ADAMTS6: variants seen among roughly 807,000 people sequenced by gnomAD.
The protein encoded by ADAMTS6 is A disintegrin and metalloproteinase with thrombospondin motifs 6.
ADAMTS6 carries 23 observed loss-of-function variants against 144.3 expected under a neutral mutation model. That is an observed-to-expected ratio of 0.16 (90% CI 0.11 to 0.23). ADAMTS6 has a LOEUF of 0.23. Among genes scored for constraint, ADAMTS6 ranks in the 10% least tolerant of loss-of-function variants. The pLI, the probability that ADAMTS6 is intolerant of heterozygous loss-of-function variation, is 1.00. For synonymous variants in ADAMTS6, 444 were observed against 457.5 expected (o/e 0.97, Z 0.38); for missense variants, 999 against 1,379.6 (o/e 0.72, Z 4.37).
chr5:65,242,107 C>T lies in ADAMTS6; in HGVS notation c.1930G>A (p.Gly644Arg). The T allele has an allele frequency of 6.3e-7, 1 of 1,578,032 alleles. No individual in the cohort carries two copies. Residue 644 changes from glycine (G) to arginine (R), a missense_variant, in exon 15 of 25, where the codon GGA (glycine) becomes AGA (arginine). Physicochemically the swap from Gly to Arg is moderately radical, Grantham distance 125. Transcript: ENST00000381055. ...GCTCTGTCAGGTTATACATTACCTC[C>T]AGTATAGGGTTTCCAGTTATAATAC... The part of the protein sequence containing the change: ...GKYYNWKPYT[G>R]GGVKPCALNC...
At chr5:65,480,146 T>C (rs1276503505) in intron 1 of ADAMTS6, among the ~76,000 whole-genome samples, 1 of 152,028 alleles carries the variant, frequency 6.6e-6, no homozygotes, top group African/African-American at 2.4e-5. Flanking sequence ...ATCTAAACAT[T>C]TCAGTCTAAT....
chr5:65,153,136 G>T (rs1260034391), intron 24 of ADAMTS6, among the ~76,000 whole-genome samples: 2 of 152,134 alleles, frequency 1.3e-5, no homozygotes, highest in Non-Finnish European at 2.9e-5. Flanking sequence ...ACATGGAAAA[G>T]TTCCCAGTTC....
In ADAMTS6 at chr5:65,227,087, T is replaced by G. The variant is rs116259479; in HGVS notation, c.1934-868A>C. On this transcript the variant is annotated intron_variant, in intron 15 of 24. Transcript: ENST00000381055. ...ACTTGGCTTTAGCATGGATATAAAT[T>G]TTTATGAGATTAGCAAATCAAAACT... 8.6e-3 allele frequency among the ~76,000 whole-genome samples: 1,303 copies of G among 152,288 alleles called. 17 individuals carry two copies. The highest frequency in any genetic ancestry group is 0.03 in the African/African-American group (1,232 of 41,554).
At chr5:65,410,488 A>G (rs1240101008) in intron 7 of ADAMTS6, among the ~76,000 whole-genome samples, 1 of 152,162 alleles carries the variant, frequency 6.6e-6, no homozygotes, top group African/African-American at 2.4e-5. Context: ...TCAAAATAAT[A>G]TATGCATTAC....
chr5:65,340,295 A>T (rs978006178), intron 7 of ADAMTS6, among the ~76,000 whole-genome samples: 5 of 152,038 alleles, frequency 3.3e-5, no homozygotes, highest in African/African-American at 1.2e-4. Context: ...TCAGAAATTT[A>T]AAAAAATATA....
At chr5:65,314,163 A>G (rs1416118306) in intron 9 of ADAMTS6, among the ~76,000 whole-genome samples, 1 of 152,160 alleles carries the variant, frequency 6.6e-6, no homozygotes, top group African/African-American at 2.4e-5. Context: ...ATGTGTGCAG[A>G]GTGATGAAAA....
rs764089071 is a variant in ADAMTS6 at position 65,473,708 on chromosome 5, C to T, written c.-35G>A. 6.6e-7 allele frequency: 1 copy of T among 1,515,102 alleles called. No individual in the cohort carries two copies. The highest frequency in any genetic ancestry group is 9.2e-7 in the Non-Finnish European group (1 of 1,090,036). The allele number at this position is 1,515,102 out of a possible 1,614,324, so 93.9% of individuals were successfully genotyped here. ...AACTGGATGATTTTTTTGAGGGCTACCTATGTGCTAAAGAGTCAATACCAT... is the reference window on the plus strand; with the variant it reads ...AACTGGATGATTTTTTTGAGGGCTATCTATGTGCTAAAGAGTCAATACCAT... On this transcript the variant is annotated 5_prime_UTR_variant, in exon 2 of 25. Coordinates refer to ENST00000381055, the MANE Select transcript of ADAMTS6 (RefSeq NM_197941.4).
intron 4 of ADAMTS6, among the ~76,000 whole-genome samples, chr5:65,458,639 T>G (rs781160527): frequency 6.6e-6 from 1 of 152,186 alleles, no homozygotes; most frequent in Non-Finnish European, 1.5e-5. Context: ...CTTGAACTCC[T>G]GACCTTGTGA....
At chr5:65,451,871 A>G (rs1758767590) in intron 6 of ADAMTS6, among the ~76,000 whole-genome samples, 1 of 152,190 alleles carries the variant, frequency 6.6e-6, no homozygotes. Flanking sequence ...ACTAATGAAA[A>G]TCATTATTAT....
chr5:65,188,458 CTTTTA>C (rs1333295803), intron 21 of ADAMTS6, among the ~76,000 whole-genome samples: 1 of 152,204 alleles, frequency 6.6e-6, no homozygotes, highest in East Asian at 1.9e-4. Flanking sequence ...CTTTAAACCT[CTTTTA>C]TTTTTCTCCT....
At chr5:65,299,574 T>G (rs111698052) in intron 10 of ADAMTS6, among the ~76,000 whole-genome samples, 1,668 of 152,260 alleles carry the variant, frequency 0.011, 10 homozygotes, top group African/African-American at 0.019. Context: ...TTGGTTTTTT[T>G]TTGTTGTTGT....
intron 12 of ADAMTS6, among the ~76,000 whole-genome samples, chr5:65,267,295 C>T (rs904580281): frequency 4.6e-5 from 7 of 151,996 alleles, no homozygotes; most frequent in Admixed American, 1.3e-4. Flanking sequence ...TTCTAAATAA[C>T]AGTCATGTTA....
At chr5:65,479,069 T>C (rs7709111) in intron 1 of ADAMTS6, among the ~76,000 whole-genome samples, 20,380 of 152,188 alleles carry the variant, frequency 0.13, 4,568 homozygotes, top group African/African-American at 0.47. Flanking sequence ...AGCTAAAGAA[T>C]GTGTATAATG....
chr5:65,256,902 TTCATCCAAATCACTATCTGGC>T (rs1760705417), intron 14 of ADAMTS6, among the ~76,000 whole-genome samples: 1 of 151,618 alleles, frequency 6.6e-6, no homozygotes, highest in African/African-American at 2.4e-5. Context: ...ATTCACACCG[TTCATCCAAATCACTATCTGGC>T]TTCACCCCTA....
chr5:65,388,642 TTTC>T (rs1259424477), intron 7 of ADAMTS6, among the ~76,000 whole-genome samples: 2 of 152,230 alleles, frequency 1.3e-5, no homozygotes, highest in African/African-American at 2.4e-5. Context: ...CTTTTGATAA[TTTC>T]TTATTTCATT....
intron 3 of ADAMTS6, among the ~76,000 whole-genome samples, chr5:65,462,972 C>G (rs905563922): frequency 4.6e-5 from 7 of 151,282 alleles, no homozygotes; most frequent in Non-Finnish European, 8.8e-5. Context: ...CCCAGCTACT[C>G]GGGAGGCTGA....
intron 7 of ADAMTS6, among the ~76,000 whole-genome samples, chr5:65,449,624 A>G (rs965532478): frequency 6.6e-6 from 1 of 151,968 alleles, no homozygotes; most frequent in Non-Finnish European, 1.5e-5. Context: ...CCATCTCAAA[A>G]ATAAATAAAT....
At chr5:65,438,645 C>T (rs1757636688) in intron 7 of ADAMTS6, among the ~76,000 whole-genome samples, 1 of 152,168 alleles carries the variant, frequency 6.6e-6, no homozygotes, top group South Asian at 2.1e-4. Flanking sequence ...AAAATATCTG[C>T]TATTATATCT....
intron 7 of ADAMTS6, among the ~76,000 whole-genome samples, chr5:65,424,345 TA>T (rs1756325001): frequency 6.6e-6 from 1 of 152,220 alleles, no homozygotes; most frequent in African/African-American, 2.4e-5. Context: ...ATCAAACTTA[TA>T]TATAAAGATT....
Sources: allele counts gnomAD v4.1 joint callset (sites outside exome capture counted in the v4.1 genomes callset), GRCh38; gene constraint gnomAD v4.1.1; transcripts MANE v1.5; gene names NCBI Gene and HGNC (gene_info 2026-07-23, HGNC 2026-07-21).